The following GRIK4 variants were observed in gnomAD, a reference collection of about 807,000 sequenced individuals.
GRIK4 encodes the protein glutamate ionotropic receptor kainate type subunit 4.
GRIK4 carries 40 observed loss-of-function variants against 104.9 expected under a neutral mutation model. The ratio of observed to expected loss-of-function variants is 0.38; its 90% CI spans 0.30 to 0.50. The LOEUF is 0.50. Among genes scored for constraint, GRIK4 ranks in the 20% least tolerant of loss-of-function variants. The pLI is 0.93. For missense variants in GRIK4, 1,047 were observed against 1,308.1 expected, an observed-to-expected ratio of 0.80 and a Z score of 3.08; for synonymous variants, 485 against 524.9, an observed-to-expected ratio of 0.92 and a Z score of 1.04.
chr11:120,638,343 G>A (rs750536660), intron 1 of GRIK4, among the ~76,000 whole-genome samples: 1 of 152,190 alleles, frequency 6.6e-6, no homozygotes, highest in Non-Finnish European at 1.5e-5. Context: ...TTTTCCAAAT[G>A]TAGGAAACAA....
chr11:120,813,486 A>G lies in GRIK4; in HGVS notation c.248-1892A>G, dbSNP rs1007241339. On this transcript the variant is annotated intron_variant, in intron 4 of 20. Transcript: ENST00000527524. Reference sequence around the variant, plus strand: ...GACTCTTCAAAGATGAAGCCTGATCATCACTACTTTGGCCAGACACTTAGT... The same window carrying G: ...GACTCTTCAAAGATGAAGCCTGATCGTCACTACTTTGGCCAGACACTTAGT... 4.6e-5 allele frequency among the ~76,000 whole-genome samples: 7 copies of G among 152,310 alleles called. 1 individual carries two copies. The South Asian group carries it at 1.5e-3, about 32-fold the overall frequency.
At chr11:120,682,633 C>G (rs1357800360) in intron 3 of GRIK4, among the ~76,000 whole-genome samples, 1 of 151,312 alleles carries the variant, frequency 6.6e-6, no homozygotes, top group Non-Finnish European at 1.5e-5. Flanking sequence ...CCTATTTATC[C>G]TACAGGTAAA....
intron 1 of GRIK4, among the ~76,000 whole-genome samples, chr11:120,634,135 C>T (rs536478139): frequency 6.6e-6 from 1 of 152,254 alleles, no homozygotes; most frequent in South Asian, 2.1e-4. Context: ...AGATTAAGCA[C>T]GATAATATAT....
In GRIK4 at chr11:120,902,703, TTGTG is replaced by T. The variant is rs1456832142; in HGVS notation, c.1273-2584_1273-2581del. On this transcript the variant is annotated intron_variant, in intron 12 of 20. Coordinates refer to ENST00000527524, the MANE Select transcript of GRIK4 (RefSeq NM_014619.5). The surrounding 1 kb of genome is among the most constrained non-coding windows in gnomAD (Gnocchi z 4.5). ...CAAATCGGAAAACATTGGAGGGTGA[TTGTG>T]TGGGCCCTGGCATGAGAGCAGGGGA... is the stretch of plus-strand genomic sequence containing the variant. 6.6e-6 allele frequency among the ~76,000 whole-genome samples: 1 copy of T among 152,006 alleles called. No individual in the cohort carries two copies. Among genetic ancestry groups the T allele is most frequent in the African/African-American group, 2.4e-5 (1 of 41,384 alleles).
At chr11:120,691,662 C>T (rs903912512) in intron 3 of GRIK4, among the ~76,000 whole-genome samples, 5 of 152,180 alleles carry the variant, frequency 3.3e-5, no homozygotes, top group Non-Finnish European at 7.3e-5. Context: ...GGAATGTTTT[C>T]CTCATCCCCA....
At chr11:120,575,875 A>T (rs1565556389) in intron 1 of GRIK4, 1 of 151,994 alleles carries the variant, frequency 6.6e-6, no homozygotes, top group East Asian at 1.9e-4. Flanking sequence ...AGGCAGGAGG[A>T]TCACTCGAGC....
intron 11 of GRIK4, among the ~76,000 whole-genome samples, chr11:120,884,512 A>G (rs1170358042): frequency 6.6e-6 from 1 of 152,148 alleles, no homozygotes; most frequent in Non-Finnish European, 1.5e-5. Flanking sequence ...CAGGCTGGCC[A>G]CTCAGGGCTT....
At chr11:120,935,551 C>CA (rs1591303768) in intron 13 of GRIK4, among the ~76,000 whole-genome samples, 1 of 151,792 alleles carries the variant, frequency 6.6e-6, no homozygotes, top group African/African-American at 2.4e-5. Context: ...GACTCTGTCT[C>CA]AAAAAAATAA....
intron 1 of GRIK4, among the ~76,000 whole-genome samples, chr11:120,531,795 C>T (rs536252874): frequency 3.9e-5 from 6 of 152,122 alleles, no homozygotes; most frequent in Non-Finnish European, 8.8e-5. Context: ...AGGCTGGTCT[C>T]GGACTCCTGA....
intron 3 of GRIK4, among the ~76,000 whole-genome samples, chr11:120,666,966 GT>G (rs1298179087): frequency 6.6e-6 from 1 of 152,188 alleles, no homozygotes; most frequent in Admixed American, 6.5e-5. Context: ...ATGGAAAGAG[GT>G]TTTGATTCCT....
intron 8 of GRIK4, among the ~76,000 whole-genome samples, chr11:120,838,901 C>T (rs186408239): frequency 3.9e-5 from 6 of 152,254 alleles, no homozygotes; most frequent in Non-Finnish European, 7.4e-5. Context: ...ATTCTCCTGC[C>T]TCCGCCTCCC....
Position 120,513,425 on chromosome 11 carries a change from G to A in GRIK4, c.-159+1538G>A, listed in dbSNP as rs1483048549. On this transcript the variant is annotated intron_variant, in intron 1 of 20. Transcript: ENST00000527524. The surrounding 1 kb of genome is among the most constrained non-coding windows in gnomAD (Gnocchi z 4.5). ...CGTGGTCAGGGGCGAGGGGCTTGTC[G>A]AGGTCCACTGTGTTCCGGTCCCACC... 6.6e-6 allele frequency among the ~76,000 whole-genome samples: 1 copy of A among 152,146 alleles called. No individual in the cohort carries two copies. The highest frequency in any genetic ancestry group is 1.5e-5 in the Non-Finnish European group (1 of 68,016).
At chr11:120,658,704 T>C (rs941074854) in intron 2 of GRIK4, among the ~76,000 whole-genome samples, 1 of 151,224 alleles carries the variant, frequency 6.6e-6, no homozygotes, top group Non-Finnish European at 1.5e-5. Context: ...TTGGATTGTC[T>C]GTCTAGGGGT....
Position 120,524,675 on chromosome 11 carries a change from G to C in GRIK4, c.-159+12788G>C, listed in dbSNP as rs1212453969. On this transcript the variant is annotated intron_variant, in intron 1 of 20. Coordinates refer to ENST00000527524, the MANE Select transcript of GRIK4 (RefSeq NM_014619.5). This position sits in a 1 kb window ranked among gnomAD's most constrained non-coding sequence, Gnocchi z 4.5. The stretch of plus-strand genomic sequence containing the variant: ...AGCGCTAACTTCTGGATCAGGCTGT[G>C]GGCACTGCAGCTGCCATGAGTCAGG... Among the ~76,000 whole-genome samples, 2 of 152,196 alleles carry C rather than the reference G, an allele frequency of 1.3e-5. No individual in the cohort carries two copies. Among genetic ancestry groups the C allele is most frequent in the African/African-American group, 4.8e-5 (2 of 41,440 alleles).
In GRIK4 at chr11:120,905,782, T is replaced by C. The variant is rs1264147411; in HGVS notation, c.1476+289T>C. Among the ~76,000 whole-genome samples the C allele has an allele frequency of 6.6e-6, 1 of 152,144 alleles. No homozygotes were observed. Among genetic ancestry groups the C allele is most frequent in the East Asian group, 1.9e-4 (1 of 5,198 alleles). ...GATGAGGGAGTTTGGGTTCCATTTT[T>C]GGTGCTTTTTGATTGTTCTGATTAT... On this transcript the variant is annotated intron_variant, in intron 13 of 20. Coordinates refer to ENST00000527524, the MANE Select transcript of GRIK4 (RefSeq NM_014619.5). The surrounding 1 kb of genome is among the most constrained non-coding windows in gnomAD (Gnocchi z 5.1).
At chr11:120,771,294 T>C (rs1184296999) in intron 3 of GRIK4, among the ~76,000 whole-genome samples, 2 of 152,198 alleles carry the variant, frequency 1.3e-5, no homozygotes, top group Non-Finnish European at 2.9e-5. Context: ...ATGAGGAATA[T>C]GTTATTGGAC....
chr11:120,598,242 C>T (rs1948832467), intron 1 of GRIK4, among the ~76,000 whole-genome samples: 1 of 152,206 alleles, frequency 6.6e-6, no homozygotes, highest in Non-Finnish European at 1.5e-5. Flanking sequence ...TCCATTCTCT[C>T]ATTTCTTTCT....
chr11:120,897,875 C>T (rs148748550), intron 11 of GRIK4, among the ~76,000 whole-genome samples: 4 of 151,864 alleles, frequency 2.6e-5, no homozygotes, highest in Non-Finnish European at 4.4e-5. Context: ...ATCTGCGTTC[C>T]TGGGTCTGGA....
Position 120,971,796 on chromosome 11 carries a change from C to T in GRIK4, c.2395+4473C>T, listed in dbSNP as rs114807133. On this transcript the variant is annotated intron_variant, in intron 19 of 20. Coordinates refer to ENST00000527524, the MANE Select transcript of GRIK4 (RefSeq NM_014619.5). ...GGACCTGGAAGCATCCCTTAGGAATCGCTGCTTTAGGACTGTTGTGAGGCA... is the reference window on the plus strand; with the variant it reads ...GGACCTGGAAGCATCCCTTAGGAATTGCTGCTTTAGGACTGTTGTGAGGCA... Among the ~76,000 whole-genome samples the T allele has an allele frequency of 5.9e-3, 900 of 152,270 alleles. 6 individuals are homozygous for T. The highest frequency in any genetic ancestry group is 0.021 in the African/African-American group (854 of 41,536).
Sources: gnomAD v4.1 joint callset for allele counts (sites outside exome capture counted in the v4.1 genomes callset) on GRCh38, gnomAD v4.1.1 for gene constraint, Gnocchi (gnomAD v3.1) non-coding constraint, MANE v1.5 for transcripts, NCBI Gene and HGNC (gene_info 2026-07-23, HGNC 2026-07-21) for gene names.